Variants in CEP85 observed in about 807,000 individuals in gnomAD.
CEP85 encodes the protein centrosomal protein 85.
CEP85 carries 58 observed loss-of-function variants against 93.7 expected under a neutral mutation model. The observed-to-expected ratio is 0.62, with a 90% confidence interval of 0.50 to 0.77. The LOEUF is 0.77. Ranked by LOEUF, CEP85 falls within the 30% of genes least tolerant of loss-of-function variation. The pLI, the probability that CEP85 is intolerant of heterozygous loss-of-function variation, is 0.00. For missense variants in CEP85, 868 were observed against 922.0 expected (o/e 0.94, Z 0.76); for synonymous variants, 314 against 338.6 (o/e 0.93, Z 0.80).
At position 26,259,922 on chromosome 1, in the gene CEP85, T is replaced by A. The variant is rs189238603; in HGVS notation, c.1341+120T>A. 4 of 733,954 alleles carry A rather than the reference T, an allele frequency of 5.4e-6. No individual in the cohort carries two copies. In the East Asian group the frequency reaches 1.1e-4, roughly 20 times the overall value. The allele number at this position is 733,954 out of a possible 1,614,324, so 45.5% of individuals were successfully genotyped here. On this transcript the variant is annotated intron_variant, in intron 7 of 13. Transcript: ENST00000451429. ...GAGACAATTGGGTGAGATCCTCCAC[T>A]GGCTTCTCACACAGAATCGTCACAG...
intron 3 of CEP85, among the ~76,000 whole-genome samples, chr1:26,254,412 G>A (rs1401130064): frequency 6.7e-6 from 1 of 149,612 alleles, no homozygotes; most frequent in South Asian, 2.1e-4. Context: ...CACAAATTCA[G>A]TCTGAAGGAA....
intron 3 of CEP85, among the ~76,000 whole-genome samples, chr1:26,250,932 C>CTTTT (rs869156420): frequency 8.6e-4 from 15 of 17,504 alleles, no homozygotes; most frequent in Admixed American, 1.3e-3. Context: ...TTTCTTTTTT[C>CTTTT]TTTTTTTTTT....
chr1:26,256,928 G>GGTGTGTGTGTGTGTGTGTGTGTGT (rs71004573), intron 4 of CEP85, among the ~76,000 whole-genome samples: 81 of 111,480 alleles, frequency 7.3e-4, no homozygotes, highest in South Asian at 3.1e-3. Flanking sequence ...GTTTTGTTTT[G>GGTGTGTGTGTGTGTGTGTGTGTGT]GTGTGTGTGT....
chr1:26,255,876 ATC>A lies in CEP85; in HGVS notation c.903+13_903+14del. ...ATGGAGCAAATGCAGGTAGAGGTCTATCTTTCCTTGGATTTTCTAGGTTCTGT... is the reference window on the plus strand; with the variant it reads ...ATGGAGCAAATGCAGGTAGAGGTCTATTTCCTTGGATTTTCTAGGTTCTGT... On this transcript the variant is annotated intron_variant, in intron 4 of 13. Coordinates refer to ENST00000451429, the MANE Select transcript of CEP85 (RefSeq NM_001319944.2). The A allele has an allele frequency of 1.3e-6, 2 of 1,582,922 alleles. No individual in the cohort carries two copies. Among genetic ancestry groups the A allele is most frequent in the Non-Finnish European group, 1.7e-6 (2 of 1,162,112 alleles).
intron 7 of CEP85, chr1:26,263,191 G>T (rs2089839887): frequency 7.3e-6 from 2 of 275,486 alleles, no homozygotes; most frequent in Non-Finnish European, 1.4e-5. Flanking sequence ...AACAGTTGTG[G>T]TTGGTGCATA....
chr1:26,277,269 G>C lies in CEP85; in HGVS notation c.2262G>C (p.Met754Ile), dbSNP rs1557672373. The C allele has an allele frequency of 6.2e-7, 1 of 1,613,718 alleles. No homozygotes were observed. ...TTMSDRYAQD[M>I]GENCVTQ ...TGTCAGACAGATATGCCCAGGACAT[G>C]GGAGAAAACTGTGTCACACAGTGAG... Residue 754 changes from methionine (M) to isoleucine (I), a missense_variant, in exon 14 of 14, where the codon ATG becomes ATC. Met to Ile is a conservative substitution (Grantham distance 10). Transcript: ENST00000451429.
intron 9 of CEP85, among the ~76,000 whole-genome samples, chr1:26,270,027 T>C (rs4060115): frequency 0.88 from 133,297 of 152,004 alleles, 59,398 homozygotes; most frequent in Non-Finnish European, 0.93. Flanking sequence ...CCACCCTCCT[T>C]GGCCTCCCAA....
chr1:26,250,365 T>C (rs2089586994), intron 3 of CEP85, among the ~76,000 whole-genome samples: 1 of 152,184 alleles, frequency 6.6e-6, no homozygotes, highest in African/African-American at 2.4e-5. Flanking sequence ...TCTAGGTTGC[T>C]CAGTCCTTAC....
At chr1:26,235,823 C>T (rs368495886) in intron 1 of CEP85, among the ~76,000 whole-genome samples, 4 of 152,130 alleles carry the variant, frequency 2.6e-5, no homozygotes, top group African/African-American at 9.7e-5. Flanking sequence ...CCGCCCGCCT[C>T]GGCCTCCCAA....
rs1295707900 is a variant in CEP85, at chr1:26,274,952, T to C, written c.1795-12T>C. On this transcript the variant is annotated splice_polypyrimidine_tract_variant and intron_variant, in intron 11 of 13. Transcript: ENST00000451429. ...CTACTGTGTTCCCTCAACATCTTGC[T>C]GTGTGATTCAGAGCCTAGAGCAGGA... is the stretch of plus-strand genomic sequence containing the variant. 2.4e-5 allele frequency: 37 copies of C among 1,555,382 alleles called. No homozygotes were observed. Among genetic ancestry groups the C allele is most frequent in the Non-Finnish European group, 3.2e-5 (37 of 1,148,498 alleles).
intron 2 of CEP85, among the ~76,000 whole-genome samples, chr1:26,243,205 T>G (rs1315911808): frequency 1.3e-5 from 2 of 150,794 alleles, no homozygotes; most frequent in African/African-American, 4.9e-5. Flanking sequence ...CAATCTTTGC[T>G]CACTGCAACC....
chr1:26,274,872 C>A, intron 11 of CEP85, 92 bp from the exon 12 acceptor site: 2 of 940,772 alleles, frequency 2.1e-6, no homozygotes, highest in Non-Finnish European at 3.3e-6. Flanking sequence ...TAGGGTGAGT[C>A]GTCACTATAT....
rs956281092 is a variant in CEP85, at chr1:26,241,359, C to T, written c.55+1521C>T. On this transcript the variant is annotated intron_variant, in intron 2 of 13. Coordinates refer to ENST00000451429, the MANE Select transcript of CEP85 (RefSeq NM_001319944.2). ...CCGGGTTCATGCCATTCTCCTGCCT[C>T]AGCCTCCCAAGTAGCTGGGACTACA... 2.0e-5 allele frequency among the ~76,000 whole-genome samples: 3 copies of T among 148,972 alleles called. No individual in the cohort carries two copies. In the Admixed American group the frequency reaches 2.1e-4, roughly 10 times the overall value.
chr1:26,264,823 T>G (rs916475657), intron 7 of CEP85, among the ~76,000 whole-genome samples: 7 of 152,030 alleles, frequency 4.6e-5, no homozygotes, highest in Non-Finnish European at 7.4e-5. Flanking sequence ...TTTTGTTTGT[T>G]TTTGAGACAC....
rs377506752 is a variant in CEP85, at chr1:26,269,562, C to A, written c.1597C>A (p.Gln533Lys). Residue 533 changes from glutamine (Q) to lysine (K), a missense_variant, in exon 9 of 14, where the codon CAA (glutamine) becomes AAA (lysine). Physicochemically the swap from Gln to Lys is moderately conservative, Grantham distance 53 (BLOSUM62 1). Coordinates refer to ENST00000451429, the MANE Select transcript of CEP85 (RefSeq NM_001319944.2). ...GGCAATCTGCAGAGAGAAGGAGATT[C>A]AACTGGAAAGCCTGAGGCAGAGAGA... ...TQAICREKEI[Q>K]LESLRQREAE... The A allele has an allele frequency of 6.2e-7, 1 of 1,614,002 alleles. No individual in the cohort carries two copies. Among genetic ancestry groups the A allele is most frequent in the African/African-American group, 1.3e-5 (1 of 75,010 alleles).
At chr1:26,256,085 G>A (rs888332373) in intron 4 of CEP85, among the ~76,000 whole-genome samples, 5 of 152,216 alleles carry the variant, frequency 3.3e-5, no homozygotes, top group Non-Finnish European at 5.9e-5. Context: ...AGGTTACAAA[G>A]GAAAACCTAA....
rs141769507 is a variant in CEP85, at chr1:26,259,652, G to A, written c.1191G>A (p.Gln397=). Reference sequence around the variant, plus strand: ...GAGAAAACACTTTCTTACGTGCACAGTTTGCACAGAAGACAGAAGCCTTGA... The same window carrying A: ...GAGAAAACACTTTCTTACGTGCACAATTTGCACAGAAGACAGAAGCCTTGA... ...LQRENTFLRA[Q]FAQKTEALSR... Residue 397 remains glutamine, a synonymous_variant, in exon 7 of 14, where the codon CAG becomes CAA. Transcript: ENST00000451429. 4.8e-4 allele frequency: 782 copies of A among 1,613,050 alleles called. No individual in the cohort carries two copies. Among genetic ancestry groups the A allele is most frequent in the Admixed American group, 7.5e-4 (45 of 59,712 alleles).
chr1:26,269,212 T>C (rs532696258), intron 8 of CEP85: 62 of 483,750 alleles, frequency 1.3e-4, no homozygotes, highest in African/African-American at 2.5e-4. Flanking sequence ...CCCTAGCCAA[T>C]AGGGGAACGA....
intron 5 of CEP85, 63 bp from the exon 6 acceptor site, chr1:26,258,080 T>C: frequency 1.9e-6 from 2 of 1,078,784 alleles, no homozygotes; most frequent in South Asian, 1.3e-5. Context: ...TTGTACTTAG[T>C]AGGGGCTCAT....
Sources: gnomAD v4.1 joint callset for allele counts (sites outside exome capture counted in the v4.1 genomes callset) on GRCh38, gnomAD v4.1.1 for gene constraint, MANE v1.5 for transcripts, NCBI Gene and HGNC (gene_info 2026-07-23, HGNC 2026-07-21) for gene names.